Variants in NR6A1 observed in about 807,000 individuals in gnomAD.
NR6A1 encodes the protein nuclear receptor subfamily 6 group A member 1.
NR6A1 carries 7 observed loss-of-function variants against 59.1 expected under a neutral mutation model. The ratio of observed to expected loss-of-function variants is 0.12; its 90% CI spans 0.07 to 0.22. NR6A1 has a LOEUF of 0.22. Among genes scored for constraint, NR6A1 ranks in the 10% least tolerant of loss-of-function variants. The probability of loss-of-function intolerance (pLI) is 1.00; values close to 1 mark genes in which losing one functional copy is unlikely to be tolerated. For synonymous variants in NR6A1, 243 were observed against 236.1 expected (o/e 1.03, Z -0.27); for missense variants, 468 against 611.6 (o/e 0.77, Z 2.48).
intron 2 of NR6A1, among the ~76,000 whole-genome samples, chr9:124,691,178 G>T (rs1160765497): frequency 2.6e-5 from 4 of 152,098 alleles, no homozygotes; most frequent in East Asian, 1.9e-4. Context: ...CTGATTTTTT[G>T]TGTGTGTATA....
chr9:124,733,544 T>C (rs1291937152), intron 1 of NR6A1, among the ~76,000 whole-genome samples, 195 bp from the exon 2 acceptor site: 3 of 152,122 alleles, frequency 2.0e-5, no homozygotes, highest in Non-Finnish European at 4.4e-5. Flanking sequence ...AAACAGATAA[T>C]AGCATTTACC....
chr9:124,757,011 G>C (rs188573538), intron 1 of NR6A1, among the ~76,000 whole-genome samples: 2 of 151,954 alleles, frequency 1.3e-5, no homozygotes, highest in African/African-American at 2.4e-5. Flanking sequence ...GGGCGGGTAG[G>C]GGGGGAATGA....
At chr9:124,693,656 G>C (rs894843082) in intron 2 of NR6A1, 9 of 525,294 alleles carry the variant, frequency 1.7e-5, no homozygotes, top group African/African-American at 3.9e-5. Context: ...AGATGGAAAA[G>C]AAGAGCCAGG....
At chr9:124,615,088 G>A (rs896603158) in intron 2 of NR6A1, among the ~76,000 whole-genome samples, 2 of 152,218 alleles carry the variant, frequency 1.3e-5, no homozygotes, top group Admixed American at 1.3e-4. Context: ...CAAAGTTGGA[G>A]AGCTTAGATT....
In NR6A1 at chr9:124,599,710, G is replaced by GT. The variant is rs1835395672; in HGVS notation, c.143-45141dup. 7 of 523,684 alleles carry GT rather than the reference G, an allele frequency of 1.3e-5. No homozygotes were observed. The South Asian group carries it at 1.6e-4, about 12-fold the overall frequency. The allele number at this position is 523,684 out of a possible 1,614,324, so 32.4% of individuals were successfully genotyped here. On this transcript the variant is annotated intron_variant, in intron 2 of 9. Coordinates refer to ENST00000487099, the MANE Select transcript of NR6A1 (RefSeq NM_033334.4). The stretch of plus-strand genomic sequence containing the variant: ...CCAAATTATGAATGGCAGAACCTTA[G>GT]TTAACCACCAAGAGATTGTTTCCAC...
At chr9:124,755,783 A>G (rs1319631376) in intron 1 of NR6A1, among the ~76,000 whole-genome samples, 2 of 152,244 alleles carry the variant, frequency 1.3e-5, no homozygotes, top group African/African-American at 2.4e-5. Context: ...GAGTATAATC[A>G]GAAACTTTCA....
chr9:124,548,185 G>A (rs1331584237), intron 3 of NR6A1, among the ~76,000 whole-genome samples: 1 of 152,158 alleles, frequency 6.6e-6, no homozygotes, highest in African/African-American at 2.4e-5. Context: ...GCATGATAAA[G>A]CAAATGTGGC....
chr9:124,537,095 C>T (rs1465825647), intron 6 of NR6A1, among the ~76,000 whole-genome samples: 3 of 142,542 alleles, frequency 2.1e-5, no homozygotes, highest in African/African-American at 7.9e-5. Context: ...TTTTTTGAGA[C>T]GGAGTCTCAC....
At chr9:124,693,243 C>T (rs906458870) in intron 2 of NR6A1, among the ~76,000 whole-genome samples, 1 of 152,058 alleles carries the variant, frequency 6.6e-6, no homozygotes, top group Non-Finnish European at 1.5e-5. Flanking sequence ...GCTAAGAGTA[C>T]CTATCATGGA....
chr9:124,521,056 C>G lies in NR6A1; in HGVS notation c.*1649G>C, dbSNP rs7852183. The G allele has an allele frequency of 0.089, 13,545 of 152,292 alleles. 1,934 individuals carry two copies. The highest frequency in any genetic ancestry group is 0.31 in the African/African-American group (12,715 of 41,512). The allele number at this position is 152,292 out of a possible 1,614,324, so 9.4% of individuals were successfully genotyped here. On this transcript the variant is annotated 3_prime_UTR_variant, in exon 10 of 10. Coordinates refer to ENST00000487099, the MANE Select transcript of NR6A1 (RefSeq NM_033334.4). ...GCTTTACTAGGTTGAGTTGAGGAGACAGCAAACAGCCTTTGACTAAATAGG... is the reference window on the plus strand; with the variant it reads ...GCTTTACTAGGTTGAGTTGAGGAGAGAGCAAACAGCCTTTGACTAAATAGG...
At chr9:124,761,814 TG>T (rs1840792032) in intron 1 of NR6A1, among the ~76,000 whole-genome samples, 1 of 152,218 alleles carries the variant, frequency 6.6e-6, no homozygotes, top group Non-Finnish European at 1.5e-5. Flanking sequence ...TTTCCACAAA[TG>T]TAAGTCTACC....
At chr9:124,662,571 T>A (rs1837475980) in intron 2 of NR6A1, among the ~76,000 whole-genome samples, 1 of 152,198 alleles carries the variant, frequency 6.6e-6, no homozygotes, top group Non-Finnish European at 1.5e-5. Flanking sequence ...TCCCCTTAAA[T>A]ACTCACAATG....
At chr9:124,747,294 A>T (rs1231869039) in intron 1 of NR6A1, among the ~76,000 whole-genome samples, 1 of 149,240 alleles carries the variant, frequency 6.7e-6, no homozygotes, top group Non-Finnish European at 1.5e-5. Context: ...GGCTCAAGGG[A>T]TCAACCCAAC....
Position 124,758,377 on chromosome 9 carries a change from T to C in NR6A1, c.100+12643A>G, listed in dbSNP as rs148124369. On this transcript the variant is annotated intron_variant, in intron 1 of 9. Coordinates refer to ENST00000487099, the MANE Select transcript of NR6A1 (RefSeq NM_033334.4). ...GCAATTTCCCTTAATGAATCAACGTTCTCAAATGAAGCGCATTTAATCTTA... is the reference window on the plus strand; with the variant it reads ...GCAATTTCCCTTAATGAATCAACGTCCTCAAATGAAGCGCATTTAATCTTA... Among the ~76,000 whole-genome samples, 514 of 152,332 alleles carry C rather than the reference T, an allele frequency of 3.4e-3. 2 individuals carry two copies. The highest frequency in any genetic ancestry group is 5.6e-3 in the Non-Finnish European group (378 of 68,034).
chr9:124,589,983 T>C (rs1835062075), intron 2 of NR6A1, among the ~76,000 whole-genome samples: 1 of 143,472 alleles, frequency 7.0e-6, no homozygotes, highest in African/African-American at 2.6e-5. Flanking sequence ...GAGAATCGCT[T>C]GAGCCCAAGA....
chr9:124,661,538 T>C (rs1050406377), intron 2 of NR6A1, among the ~76,000 whole-genome samples: 1 of 152,220 alleles, frequency 6.6e-6, no homozygotes, highest in East Asian at 1.9e-4. Context: ...AATGAGACCA[T>C]GAATGGTCAA....
intron 2 of NR6A1, among the ~76,000 whole-genome samples, chr9:124,561,585 TTAA>T (rs1385352599): frequency 6.6e-5 from 10 of 152,192 alleles, no homozygotes; most frequent in Non-Finnish European, 1.3e-4. Context: ...AAATTGTTGC[TTAA>T]TAATAAGTTT....
At chr9:124,720,838 G>A (rs571327170) in intron 2 of NR6A1, among the ~76,000 whole-genome samples, 58 of 152,100 alleles carry the variant, frequency 3.8e-4, no homozygotes, top group African/African-American at 1.3e-3. Flanking sequence ...TTTAATCTAG[G>A]GTATCCCCCC....
chr9:124,631,243 A>G (rs1410802675), intron 2 of NR6A1, among the ~76,000 whole-genome samples: 1 of 152,144 alleles, frequency 6.6e-6, no homozygotes, highest in African/African-American at 2.4e-5. Context: ...AGTAGTGAAG[A>G]TTTATTTATA....
Sources: gnomAD v4.1 joint callset for allele counts (sites outside exome capture counted in the v4.1 genomes callset) on GRCh38, gnomAD v4.1.1 for gene constraint, MANE v1.5 for transcripts, NCBI Gene and HGNC (gene_info 2026-07-23, HGNC 2026-07-21) for gene names.